The following WNT2B variants were observed in gnomAD, a reference collection of about 807,000 sequenced individuals.
WNT2B encodes the protein Wnt family member 2B.
Under a neutral mutation model 40.5 loss-of-function variants are expected in WNT2B, and 19 were observed. The ratio of observed to expected loss-of-function variants is 0.47; its 90% CI spans 0.33 to 0.69. WNT2B has a LOEUF of 0.69. WNT2B is among the 30% of genes least tolerant of loss of function. WNT2B has a pLI of 0.02. For synonymous variants in WNT2B, 220 were observed against 211.9 expected (o/e 1.04, Z -0.33); for missense variants, 467 against 556.4 (o/e 0.84, Z 1.62).
At chr1:112,470,443 G>A (rs1650845928) in intron 1 of WNT2B, among the ~76,000 whole-genome samples, 1 of 152,054 alleles carries the variant, frequency 6.6e-6, no homozygotes, top group African/African-American at 2.4e-5. Flanking sequence ...ATAAAAATTA[G>A]CCAGGTGTGA....
At chr1:112,494,528 T>TGGCTA (rs1274373245) in intron 1 of WNT2B, among the ~76,000 whole-genome samples, 1 of 151,294 alleles carries the variant, frequency 6.6e-6, no homozygotes, top group East Asian at 1.9e-4. Context: ...CCACCACACC[T>TGGCTA]GGCTAATTAT....
chr1:112,470,547 C>T (rs1650848581), intron 1 of WNT2B, among the ~76,000 whole-genome samples: 1 of 152,138 alleles, frequency 6.6e-6, no homozygotes, highest in Non-Finnish European at 1.5e-5. Flanking sequence ...AAGATCACGC[C>T]ACTGCACTCC....
intron 1 of WNT2B, among the ~76,000 whole-genome samples, chr1:112,499,656 A>G (rs983933620): frequency 6.6e-6 from 1 of 152,244 alleles, no homozygotes; most frequent in Non-Finnish European, 1.5e-5. Flanking sequence ...TGATTAAAAA[A>G]CAGGTACAAA....
intron 1 of WNT2B, among the ~76,000 whole-genome samples, chr1:112,470,786 G>A (rs1423482023): frequency 6.6e-6 from 1 of 152,130 alleles, no homozygotes; most frequent in African/African-American, 2.4e-5. Flanking sequence ...GTGTGGGTGT[G>A]GGGGAGGAAG....
At chr1:112,479,518 G>C (rs1651156933) in intron 1 of WNT2B, among the ~76,000 whole-genome samples, 1 of 151,820 alleles carries the variant, frequency 6.6e-6, no homozygotes, top group African/African-American at 2.4e-5. Flanking sequence ...AAGTTGCAGT[G>C]AGCCAAGATC....
At chr1:112,491,657 G>C (rs898423200) in intron 1 of WNT2B, among the ~76,000 whole-genome samples, 3 of 152,078 alleles carry the variant, frequency 2.0e-5, no homozygotes, top group Admixed American at 2.0e-4. Flanking sequence ...AGGCCAAGGC[G>C]GGCAGATTAC....
At chr1:112,485,649 T>C (rs974442) in intron 1 of WNT2B, among the ~76,000 whole-genome samples, 66,356 of 152,068 alleles carry the variant, frequency 0.44, 16,152 homozygotes, top group South Asian at 0.61. Context: ...TTTCAATAAA[T>C]GGTACTGAAA....
At chr1:112,517,047 C>T (rs1652584685) in intron 3 of WNT2B, 74 bp from the exon 4 acceptor site, 1 of 1,551,582 alleles carries the variant, frequency 6.4e-7, no homozygotes, top group Admixed American at 1.7e-5. Flanking sequence ...AGCACTCATC[C>T]TTTTGGACCT....
At chr1:112,495,804 G>A (rs1570777664) in intron 1 of WNT2B, among the ~76,000 whole-genome samples, 2 of 152,336 alleles carry the variant, frequency 1.3e-5, no homozygotes, top group African/African-American at 4.8e-5. Flanking sequence ...ATAAAGGACA[G>A]AAATTTATGT....
intron 1 of WNT2B, among the ~76,000 whole-genome samples, chr1:112,492,879 C>G (rs1242999431): frequency 6.6e-6 from 1 of 152,194 alleles, no homozygotes. Context: ...TGACAGAGAC[C>G]TAAGCATAGA....
At chr1:112,502,665 G>A (rs943219316) in intron 1 of WNT2B, among the ~76,000 whole-genome samples, 3 of 152,152 alleles carry the variant, frequency 2.0e-5, no homozygotes, top group Non-Finnish European at 4.4e-5. Context: ...TTCATGGAAA[G>A]ACCCTTCTCC....
rs1028285086 is a variant in WNT2B at position 112,520,629 on chromosome 1, T to C, written c.*120T>C. On this transcript the variant is annotated 3_prime_UTR_variant, in exon 5 of 5. Coordinates refer to ENST00000369684, the MANE Select transcript of WNT2B (RefSeq NM_024494.3). ...GGCTGCTACCGCTTCTATTTAAGGA[T>C]GTAGAGAGTAATCCATAGGGACCAT... 1 of 1,044,454 alleles carries C rather than the reference T, an allele frequency of 9.6e-7. No individual in the cohort carries two copies. Among genetic ancestry groups the C allele is most frequent in the African/African-American group, 1.6e-5 (1 of 62,756 alleles). The allele number at this position is 1,044,454 out of a possible 1,614,324, so 64.7% of individuals were successfully genotyped here.
chr1:112,475,583 T>G (rs533372125), intron 1 of WNT2B, among the ~76,000 whole-genome samples: 1 of 152,080 alleles, frequency 6.6e-6, no homozygotes, highest in African/African-American at 2.4e-5. Flanking sequence ...GGAAATATAC[T>G]GTAGTAAGAT....
intron 1 of WNT2B, among the ~76,000 whole-genome samples, chr1:112,511,688 A>T (rs1652356653): frequency 1.3e-5 from 2 of 152,176 alleles, no homozygotes; most frequent in African/African-American, 4.8e-5. Context: ...AGCTTCCGGC[A>T]TGTGCTTTCC....
intron 1 of WNT2B, among the ~76,000 whole-genome samples, chr1:112,473,848 A>G (rs960063393): frequency 5.9e-5 from 9 of 151,414 alleles, no homozygotes; most frequent in African/African-American, 2.2e-4. Context: ...TGAGGTCAGG[A>G]GATCGAGATT....
chr1:112,469,528 AC>A (rs753746985), intron 1 of WNT2B, among the ~76,000 whole-genome samples: 13 of 151,952 alleles, frequency 8.6e-5, no homozygotes, highest in Non-Finnish European at 1.9e-4. Flanking sequence ...TATGTAGTAT[AC>A]CTTGTAGAGA....
chr1:112,477,796 A>G (rs1651097348), intron 1 of WNT2B, among the ~76,000 whole-genome samples: 1 of 152,234 alleles, frequency 6.6e-6, no homozygotes, highest in African/African-American at 2.4e-5. Flanking sequence ...ATTTTAAAAA[A>G]AAATCTGTGA....
intron 1 of WNT2B, among the ~76,000 whole-genome samples, chr1:112,491,753 T>G (rs1570774648): frequency 6.6e-6 from 1 of 152,272 alleles, no homozygotes; most frequent in East Asian, 1.9e-4. Flanking sequence ...TAGCTAGGTA[T>G]GGAGGCCCAC....
chr1:112,493,078 T>C (rs1157084972), intron 1 of WNT2B, among the ~76,000 whole-genome samples: 2 of 150,230 alleles, frequency 1.3e-5, no homozygotes, highest in East Asian at 3.9e-4. Flanking sequence ...GGCAGGGATA[T>C]TGGAATTATC....
Sources: gnomAD v4.1 joint callset for allele counts (sites outside exome capture counted in the v4.1 genomes callset) on GRCh38, gnomAD v4.1.1 for gene constraint, MANE v1.5 for transcripts, NCBI Gene and HGNC (gene_info 2026-07-23, HGNC 2026-07-21) for gene names.